POTEC: variants seen among roughly 807,000 people sequenced by gnomAD.
POTEC encodes POTE ankyrin domain family member C.
In POTEC, 35 loss-of-function variants were observed where a neutral mutation model predicts 62.0. The ratio of observed to expected loss-of-function variants is 0.56; its 90% CI spans 0.43 to 0.75. POTEC has a LOEUF of 0.75. POTEC is among the 30% of genes least tolerant of loss of function. The pLI is 0.00. For synonymous variants in POTEC, 156 were observed against 221.5 expected, an observed-to-expected ratio of 0.70 and a Z score of 2.62; for missense variants, 472 against 655.9, an observed-to-expected ratio of 0.72 and a Z score of 3.06.
chr18:14,517,579 T>C (rs1360283251), intron 9 of POTEC, among the ~76,000 whole-genome samples: 1 of 151,738 alleles, frequency 6.6e-6, no homozygotes, highest in African/African-American at 2.4e-5. Context: ...AAAATACTAG[T>C]GGCCAGGCGC....
At position 14,509,607 on chromosome 18, in the gene POTEC, T is replaced by C; in HGVS notation, c.*2291A>G. The stretch of plus-strand genomic sequence containing the variant: ...TAGTGCGTGGCTGTAGAGGTCACCT[T>C]GCTGCAGCTCTCCACTGATCAGGCA... On this transcript the variant is annotated 3_prime_UTR_variant, in exon 11 of 11. Coordinates refer to ENST00000358970, the MANE Select transcript of POTEC (RefSeq NM_001137671.2). 1 of 152,148 alleles carries C rather than the reference T, an allele frequency of 6.6e-6. No individual in the cohort carries two copies. The highest frequency in any genetic ancestry group is 2.1e-4 in the South Asian group (1 of 4,818). 9.4% of individuals were successfully genotyped at this position (152,148 alleles called of 1,614,324 possible).
chr18:14,511,842 T>C lies in POTEC; in HGVS notation c.*56A>G. The C allele has an allele frequency of 6.9e-7, 1 of 1,453,566 alleles. No individual in the cohort carries two copies. Among genetic ancestry groups the C allele is most frequent in the Non-Finnish European group, 9.7e-7 (1 of 1,036,086 alleles). 90.0% of individuals were successfully genotyped at this position (1,453,566 alleles called of 1,614,324 possible). On this transcript the variant is annotated 3_prime_UTR_variant, in exon 11 of 11. Coordinates refer to ENST00000358970, the MANE Select transcript of POTEC (RefSeq NM_001137671.2). ...GTTTATCAGTCTTTTCTTTCACACT[T>C]TCAATTTCCTCCAAAATTTTATTTT... is the stretch of plus-strand genomic sequence containing the variant.
intron 9 of POTEC, among the ~76,000 whole-genome samples, chr18:14,520,583 C>T (rs866043437): frequency 6.6e-5 from 10 of 151,916 alleles, no homozygotes; most frequent in Admixed American, 6.6e-5. Flanking sequence ...AATTATATGA[C>T]ATCACTGTGG....
chr18:14,539,936 G>C (rs1905876332), intron 1 of POTEC, among the ~76,000 whole-genome samples: 1 of 152,066 alleles, frequency 6.6e-6, no homozygotes, highest in Admixed American at 6.6e-5. Context: ...GCTTATGTTT[G>C]ATGACTAAAC....
At chr18:14,518,501 T>G (rs1441038210) in intron 9 of POTEC, among the ~76,000 whole-genome samples, 15 of 150,462 alleles carry the variant, frequency 1.0e-4, no homozygotes, top group African/African-American at 3.4e-4. Flanking sequence ...CAAATGGGTT[T>G]GAAGTTAGAG....
At position 14,513,787 on chromosome 18, in the gene POTEC, T is replaced by C. The variant is rs8095431; in HGVS notation, c.1410-2A>G. 14,384 of 1,606,444 alleles carry C rather than the reference T, an allele frequency of 9.0e-3. 168 individuals carry two copies. The highest frequency in any genetic ancestry group is 0.041 in the East Asian group (1,847 of 44,830). ...TTCCGGGTATCATTTTGTTCGTCACTAGAAGAAATTTTAATTTTCATGAAA... is the reference window on the plus strand; with the variant it reads ...TTCCGGGTATCATTTTGTTCGTCACCAGAAGAAATTTTAATTTTCATGAAA... On this transcript the variant is annotated splice_acceptor_variant, in intron 9 of 10. Transcript: ENST00000358970. LOFTEE classifies it high-confidence loss of function.
intron 5 of POTEC, among the ~76,000 whole-genome samples, chr18:14,531,077 T>C (rs1905497456): frequency 6.6e-6 from 1 of 152,160 alleles, no homozygotes; most frequent in South Asian, 2.1e-4. Context: ...ATTTTGTTCA[T>C]AGGTTCTAAT....
intron 6 of POTEC, among the ~76,000 whole-genome samples, chr18:14,525,516 T>C (rs1242422354): frequency 5.3e-5 from 8 of 151,800 alleles, no homozygotes; most frequent in Non-Finnish European, 1.0e-4. Context: ...CATTTATTCA[T>C]AGCTATTTTT....
intron 5 of POTEC, chr18:14,531,602 C>G (rs528014637): frequency 0.014 from 2,067 of 151,956 alleles, 49 homozygotes; most frequent in African/African-American, 0.048. Context: ...TTTGGTGGCA[C>G]CCATTTTGCT....
Position 14,511,409 on chromosome 18 carries a change from A to C in POTEC, c.*489T>G, listed in dbSNP as rs1910003859. 1 of 298,116 alleles carries C rather than the reference A, an allele frequency of 3.4e-6. No individual in the cohort carries two copies. The highest frequency in any genetic ancestry group is 2.2e-5 in the African/African-American group (1 of 44,558). 18.5% of individuals were successfully genotyped at this position (298,116 alleles called of 1,614,324 possible). On this transcript the variant is annotated 3_prime_UTR_variant, in exon 11 of 11. Coordinates refer to ENST00000358970, the MANE Select transcript of POTEC (RefSeq NM_001137671.2). ...AATCGCTAAGTTGCCCAAACAGGAA[A>C]GATGGTGGCCTGCCTCATCTTTTCT...
intron 3 of POTEC, among the ~76,000 whole-genome samples, chr18:14,537,118 A>C (rs929378385): frequency 6.7e-6 from 1 of 148,872 alleles, no homozygotes; most frequent in Admixed American, 6.8e-5. Flanking sequence ...CATTCTCTAA[A>C]ATGGAAAAGA....
intron 6 of POTEC, among the ~76,000 whole-genome samples, chr18:14,530,066 C>T (rs1034712159): frequency 6.1e-4 from 92 of 151,888 alleles, no homozygotes; most frequent in African/African-American, 2.1e-3. Flanking sequence ...CTCATATTAC[C>T]GCCTGAACTC....
In POTEC at chr18:14,516,154, A is replaced by G. The variant is rs1455358921; in HGVS notation, c.1410-2369T>C. On this transcript the variant is annotated intron_variant, in intron 9 of 10. Transcript: ENST00000358970. ...TCTTACCATTCTATCCAGCATTCTC[A>G]TTTCTGGATACCTACCCAAAACAAA... 6.0e-5 allele frequency among the ~76,000 whole-genome samples: 9 copies of G among 150,472 alleles called. No individual in the cohort carries two copies. In the East Asian group the frequency reaches 1.8e-3, roughly 29 times the overall value.
At chr18:14,537,204 CACACACA>C (rs1482013235) in intron 3 of POTEC, among the ~76,000 whole-genome samples, 925 of 77,042 alleles carry the variant, frequency 0.012, 8 homozygotes, top group African/African-American at 0.065. Flanking sequence ...CACACACACA[CACACACA>C]AAAAAAAAAA....
intron 1 of POTEC, among the ~76,000 whole-genome samples, chr18:14,540,975 C>T (rs1430824758): frequency 6.6e-6 from 1 of 152,044 alleles, no homozygotes; most frequent in South Asian, 2.1e-4. Context: ...ACTGCAACCT[C>T]CGTCTCCCTG....
chr18:14,525,846 T>G (rs2143136135), intron 6 of POTEC, among the ~76,000 whole-genome samples: 1 of 152,290 alleles, frequency 6.6e-6, no homozygotes, highest in Admixed American at 6.5e-5. Context: ...CAATGTCTTC[T>G]TAACATCTAA....
chr18:14,519,659 G>T (rs1484944465), intron 9 of POTEC, among the ~76,000 whole-genome samples: 1 of 151,910 alleles, frequency 6.6e-6, no homozygotes, highest in Admixed American at 6.6e-5. Flanking sequence ...AGAGGTTGTA[G>T]TGAGCCGAGA....
intron 9 of POTEC, among the ~76,000 whole-genome samples, chr18:14,520,423 C>T (rs796548805): frequency 1.3e-5 from 2 of 151,784 alleles, no homozygotes; most frequent in South Asian, 4.2e-4. Flanking sequence ...GAGAGTACTT[C>T]TTGCTTGATA....
intron 9 of POTEC, among the ~76,000 whole-genome samples, chr18:14,515,080 C>T (rs1367668540): frequency 1.3e-5 from 2 of 152,106 alleles, no homozygotes; most frequent in Non-Finnish European, 2.9e-5. Context: ...AACATACATT[C>T]TATGTTCCTG....
Sources: gnomAD v4.1 joint callset for allele counts (sites outside exome capture counted in the v4.1 genomes callset) on GRCh38, gnomAD v4.1.1 for gene constraint, MANE v1.5 for transcripts, NCBI Gene and HGNC (gene_info 2026-07-23, HGNC 2026-07-21) for gene names.